Variants in LARP1 observed in about 807,000 individuals in gnomAD.
The protein encoded by LARP1 is la-related protein 1.
LARP1 carries 36 observed loss-of-function variants against 122.7 expected under a neutral mutation model. The observed-to-expected ratio is 0.29, with a 90% CI of 0.22 to 0.39. The LOEUF (loss-of-function observed/expected upper bound fraction) is 0.39, where lower values mean the gene tolerates loss of function less well. LARP1 is among the 10% of genes least tolerant of loss of function. The pLI, the probability that LARP1 is intolerant of heterozygous loss-of-function variation, is 1.00. For missense variants in LARP1, 1,040 were observed against 1,403.6 expected, an observed-to-expected ratio of 0.74 and a Z score of 4.14; for synonymous variants, 539 against 528.7, an observed-to-expected ratio of 1.02 and a Z score of -0.27.
intron 15 of LARP1, among the ~76,000 whole-genome samples, chr5:154,807,233 C>A (rs1228154273): frequency 6.6e-6 from 1 of 152,154 alleles, no homozygotes; most frequent in Admixed American, 6.5e-5. Flanking sequence ...TGTATCCATT[C>A]ATCAGTTGAT....
chr5:154,774,349 G>C (rs931537496), intron 1 of LARP1, among the ~76,000 whole-genome samples: 1 of 152,170 alleles, frequency 6.6e-6, no homozygotes, highest in Non-Finnish European at 1.5e-5. Flanking sequence ...GGGAGTAGCA[G>C]CTATGGCACC....
intron 16 of LARP1, among the ~76,000 whole-genome samples, chr5:154,809,202 C>T (rs1327565296): frequency 2.6e-5 from 4 of 151,586 alleles, no homozygotes; most frequent in South Asian, 2.1e-4. Flanking sequence ...GGGTGGCTCA[C>T]GCCTATAATC....
intron 1 of LARP1, among the ~76,000 whole-genome samples, chr5:154,760,295 C>T (rs760844825): frequency 9.9e-5 from 15 of 152,178 alleles, no homozygotes; most frequent in Non-Finnish European, 2.1e-4. Context: ...CACCGGCAAA[C>T]GCTTTGCTTT....
intron 1 of LARP1, among the ~76,000 whole-genome samples, chr5:154,772,171 T>C (rs1364675550): frequency 6.6e-6 from 1 of 152,190 alleles, no homozygotes; most frequent in East Asian, 1.9e-4. Flanking sequence ...TAAATTAAAA[T>C]TTTCTAGTAG....
intron 1 of LARP1, among the ~76,000 whole-genome samples, chr5:154,690,854 A>C (rs1186262287): frequency 6.6e-6 from 1 of 152,250 alleles, no homozygotes; most frequent in Non-Finnish European, 1.5e-5. Flanking sequence ...CCGAAGAGGT[A>C]AAATAGATAT....
rs1753817852 is a variant in LARP1, at chr5:154,755,788, G to C, written c.31G>C (p.Gly11Arg). The C allele has an allele frequency of 1.1e-5, 11 of 989,376 alleles. No individual in the cohort carries two copies. The highest frequency in any genetic ancestry group is 4.5e-5 in the South Asian group (1 of 22,326). The allele number at this position is 989,376 out of a possible 1,614,324, so 61.3% of individuals were successfully genotyped here. MATQVEPLLP[G>R]GATLLQAEEH... is the part of the protein sequence containing the mutation. ...CACTCAGGTGGAGCCGCTGCTGCCT[G>C]GGGGCGCCACGCTCTTGCAGGCCGA... is the stretch of plus-strand genomic sequence containing the variant. Residue 11 changes from glycine to arginine, a missense_variant, in exon 1 of 19, where the codon GGG becomes CGG. By Grantham distance (125) the Gly-to-Arg change is moderately radical. Transcript: ENST00000518297.
At position 154,808,446 on chromosome 5, in the gene LARP1, T is replaced by C; in HGVS notation, c.2699-13T>C. 1 of 1,609,310 alleles carries C rather than the reference T, an allele frequency of 6.2e-7. No homozygotes were observed. The highest frequency in any genetic ancestry group is 8.5e-7 in the Non-Finnish European group (1 of 1,178,212). On this transcript the variant is annotated splice_polypyrimidine_tract_variant and intron_variant, in intron 15 of 18. Coordinates refer to ENST00000518297, the MANE Select transcript of LARP1 (RefSeq NM_033551.3). ...AACCTGAGACATGCCTTTCCTCCTT[T>C]CTTTCCCATCAGAGCGGAAACGCTT...
intron 15 of LARP1, among the ~76,000 whole-genome samples, 181 bp from the exon 16 acceptor site, chr5:154,808,278 G>A (rs540211675): frequency 6.6e-6 from 1 of 152,324 alleles, no homozygotes; most frequent in Non-Finnish European, 1.5e-5. Flanking sequence ...CAGCATCAGG[G>A]CCTGGGGCAG....
At chr5:154,787,372 G>A (rs888712498) in intron 1 of LARP1, among the ~76,000 whole-genome samples, 3 of 152,198 alleles carry the variant, frequency 2.0e-5, no homozygotes, top group Non-Finnish European at 4.4e-5. Context: ...ACAGATGCCA[G>A]GCCCAGCTGA....
chr5:154,790,164 T>C (rs948980011), intron 1 of LARP1, among the ~76,000 whole-genome samples, 161 bp from the exon 2 acceptor site: 3 of 152,206 alleles, frequency 2.0e-5, no homozygotes, highest in South Asian at 2.1e-4. Flanking sequence ...AAAATTGTTA[T>C]TGGTGTTTGA....
intron 1 of LARP1, among the ~76,000 whole-genome samples, chr5:154,736,934 C>T (rs1298598088): frequency 6.6e-6 from 1 of 152,066 alleles, no homozygotes; most frequent in African/African-American, 2.4e-5. Context: ...ACATTTCCAC[C>T]AACAGTACAC....
chr5:154,799,659 G>A lies in LARP1; in HGVS notation c.1446G>A (p.Lys482=). 1 of 1,614,224 alleles carries A rather than the reference G, an allele frequency of 6.2e-7. No homozygotes were observed. The highest frequency in any genetic ancestry group is 8.5e-7 in the Non-Finnish European group (1 of 1,180,026). ...EKVRRREEPE[K]WPLPPIVDYS... Reference sequence around the variant, plus strand: ...TTCGTAGGAGGGAGGAACCAGAAAAGTGGCCTCTTCCCCCAATAGTGGATT... The same window carrying A: ...TTCGTAGGAGGGAGGAACCAGAAAAATGGCCTCTTCCCCCAATAGTGGATT... Residue 482 remains lysine (K), a synonymous_variant, in exon 9 of 19, where the codon AAG becomes AAA. Coordinates refer to ENST00000518297, the MANE Select transcript of LARP1 (RefSeq NM_033551.3).
At chr5:154,746,540 G>A (rs77496336) in intron 1 of LARP1, among the ~76,000 whole-genome samples, 1,837 of 152,276 alleles carry the variant, frequency 0.012, 37 homozygotes, top group African/African-American at 0.042. Context: ...ATCTAGAATG[G>A]GAGGAGTGAG....
At position 154,804,276 on chromosome 5, in the gene LARP1, C is replaced by T. The variant is rs573986534; in HGVS notation, c.2515C>T (p.Arg839Cys). Residue 839 changes from arginine (R) to cysteine (C), a missense_variant, in exon 14 of 19, where the codon CGT becomes TGT. Around this residue, in one of 8 missense-constraint regions of LARP1, gnomAD observed 18 missense variants for 60.2 expected, o/e 0.30. Transcript: ENST00000518297. ...CCATGTGGGCTGGGTGATGGATTCC[C>T]GTGAGCACAGGCCCCGTACTGCTTC... ...ESHVGWVMDS[R>C]EHRPRTASIS... 1.2e-5 allele frequency: 20 copies of T among 1,614,072 alleles called. No homozygotes were observed. Among genetic ancestry groups the T allele is most frequent in the East Asian group, 1.1e-4 (5 of 44,886 alleles).
At chr5:154,773,088 C>T (rs1046997065) in intron 1 of LARP1, among the ~76,000 whole-genome samples, 11 of 151,202 alleles carry the variant, frequency 7.3e-5, no homozygotes, top group Admixed American at 2.6e-4. Flanking sequence ...AAGGAAGGCT[C>T]CATGACTGGA....
chr5:154,765,783 ACAATGTAATAGGCAG>A (rs1290556764), intron 1 of LARP1, among the ~76,000 whole-genome samples: 1 of 152,252 alleles, frequency 6.6e-6, no homozygotes, highest in Non-Finnish European at 1.5e-5. Flanking sequence ...AGTGCCTGGC[ACAATGTAATAGGCAG>A]CTTGGTGAAC....
At chr5:154,785,333 C>T (rs537937534) in intron 1 of LARP1, among the ~76,000 whole-genome samples, 7 of 152,308 alleles carry the variant, frequency 4.6e-5, no homozygotes, top group South Asian at 2.1e-4. Flanking sequence ...GAGTTTTTCC[C>T]GTACATTCTG....
intron 3 of LARP1, among the ~76,000 whole-genome samples, chr5:154,791,671 C>G (rs183596412): frequency 6.6e-6 from 1 of 152,310 alleles, no homozygotes; most frequent in Admixed American, 6.5e-5. Flanking sequence ...GTTCTGGGAC[C>G]TCTGTGCATA....
rs1047300122 is a variant in LARP1 at position 154,768,137 on chromosome 5, A to G, written c.436+11944A>G. Among the ~76,000 whole-genome samples, 3 of 152,214 alleles carry G rather than the reference A, an allele frequency of 2.0e-5. No individual in the cohort carries two copies. In the East Asian group the frequency reaches 5.8e-4, roughly 29 times the overall value. Reference sequence around the variant, plus strand: ...TAGTAGGTTTTGCCTGTAGTCAAGTAGTAACTTTTAACAGTGCCCCTAAAT... The same window carrying G: ...TAGTAGGTTTTGCCTGTAGTCAAGTGGTAACTTTTAACAGTGCCCCTAAAT... On this transcript the variant is annotated intron_variant, in intron 1 of 18. Transcript: ENST00000518297.
Sources: gnomAD v4.1 joint callset for allele counts (sites outside exome capture counted in the v4.1 genomes callset) on GRCh38, gnomAD v4.1.1 for gene constraint, gnomAD v4.1.1 regional missense constraint, MANE v1.5 for transcripts, NCBI Gene and HGNC (gene_info 2026-07-23, HGNC 2026-07-21) for gene names.